ANK3: variants seen among roughly 807,000 people sequenced by gnomAD.
ANK3 encodes the protein ankyrin 3.
In ANK3, 57 loss-of-function variants were observed where a neutral mutation model predicts 370.9. The ratio of observed to expected loss-of-function variants is 0.15; its 90% CI spans 0.12 to 0.19. The LOEUF (loss-of-function observed/expected upper bound fraction) is 0.19. Among genes scored for constraint, ANK3 ranks in the 10% least tolerant of loss-of-function variants. The pLI, the probability that ANK3 is intolerant of heterozygous loss-of-function variation, is 1.00. For synonymous variants in ANK3, 1,929 were observed against 1,946.3 expected (o/e 0.99, Z 0.23); for missense variants, 4,439 against 5,302.1 (o/e 0.84, Z 5.06).
At chr10:60,432,584 A>G (rs2064052972) in intron 2 of ANK3, among the ~76,000 whole-genome samples, 1 of 152,206 alleles carries the variant, frequency 6.6e-6, no homozygotes. Flanking sequence ...CTATCCATGG[A>G]GTATGTCAGC....
chr10:60,665,868 C>G lies in ANK3; in HGVS notation c.58-50644G>C, dbSNP rs78791067. ...ATATTTAAATATTAGAAGAGCCCAC[C>G]TCACACTCATTAGGATCACTACTGG... On this transcript the variant is annotated intron_variant, in intron 1 of 43. Transcript: ENST00000373827. Among the ~76,000 whole-genome samples the G allele has an allele frequency of 3.5e-3, 533 of 152,212 alleles. 5 individuals carry two copies. The highest frequency in any genetic ancestry group is 0.012 in the African/African-American group (504 of 41,536).
chr10:60,321,508 C>T (rs1304655056), intron 1 of ANK3, among the ~76,000 whole-genome samples: 2 of 152,164 alleles, frequency 1.3e-5, no homozygotes, highest in East Asian at 3.8e-4. Context: ...GTGGACATGA[C>T]CCAAACGGAA....
intron 23 of ANK3, among the ~76,000 whole-genome samples, chr10:60,164,945 T>C (rs569449626): frequency 6.6e-6 from 1 of 152,322 alleles, no homozygotes; most frequent in African/African-American, 2.4e-5. Flanking sequence ...AATTTAAAAT[T>C]GCCAATTTCA....
chr10:60,351,069 AC>A (rs2056766710), intron 1 of ANK3, among the ~76,000 whole-genome samples: 1 of 152,174 alleles, frequency 6.6e-6, no homozygotes, highest in South Asian at 2.1e-4. Context: ...TTAAACAATG[AC>A]AAAGGCCAGG....
At chr10:60,248,498 G>A (rs916749621) in intron 7 of ANK3, among the ~76,000 whole-genome samples, 1 of 152,042 alleles carries the variant, frequency 6.6e-6, no homozygotes, top group Non-Finnish European at 1.5e-5. Context: ...CCTAATTCCT[G>A]TAGAAATTAG....
In ANK3 at chr10:60,072,528, T is replaced by G. The variant is rs756050517; in HGVS notation, c.8353A>C (p.Met2785Leu). 1 of 1,613,666 alleles carries G rather than the reference T, an allele frequency of 6.2e-7. No homozygotes were observed. The highest frequency in any genetic ancestry group is 8.5e-7 in the Non-Finnish European group (1 of 1,179,908). ...DESVSVQKDF[M>L]VLKTKDEHAQ... Reference sequence around the variant, plus strand: ...TGCTCATCTTTGGTTTTTAATACCATAAAATCTTTTTGCACAGATACACTT... The same window carrying G: ...TGCTCATCTTTGGTTTTTAATACCAGAAAATCTTTTTGCACAGATACACTT... The change falls in exon 37 of 44, where the codon ATG becomes CTG. Residue 2785 changes from methionine (M) to leucine (L), a missense_variant. Coordinates refer to ENST00000280772, the MANE Select transcript of ANK3 (RefSeq NM_020987.5).
intron 2 of ANK3, among the ~76,000 whole-genome samples, chr10:60,495,544 C>T (rs1365571419): frequency 1.3e-5 from 2 of 152,138 alleles, no homozygotes; most frequent in East Asian, 1.9e-4. Flanking sequence ...AATTCGAGTG[C>T]AATGCTTAAT....
In ANK3 at chr10:60,396,128, A is replaced by T. The variant is rs372734779; in HGVS notation, c.97-116489T>A. Among the ~76,000 whole-genome samples the T allele has an allele frequency of 7.9e-4, 121 of 152,348 alleles. 1 individual carries two copies. Among genetic ancestry groups the T allele is most frequent in the African/African-American group, 2.8e-3 (117 of 41,578 alleles). On this transcript the variant is annotated intron_variant, in intron 2 of 43. Transcript: ENST00000373827. ...TAAGATCCCCTTTTCAGAAGCTTCA[A>T]TTCTTGAATATCGAGCCAGGGAGTA...
chr10:60,478,881 G>A (rs969300471), intron 2 of ANK3, among the ~76,000 whole-genome samples: 10 of 152,046 alleles, frequency 6.6e-5, no homozygotes, highest in Non-Finnish European at 1.5e-4. Context: ...GGGTTATTAT[G>A]AAGTCTGAAC....
At chr10:60,086,981 AACAGACAACC>A in intron 29 of ANK3, 97 bp from the exon 30 acceptor site, 1 of 441,898 alleles carries the variant, frequency 2.3e-6, no homozygotes. Context: ...AAAAAACAAA[AACAGACAACC>A]AAAAAAAAAA....
intron 25 of ANK3, among the ~76,000 whole-genome samples, chr10:60,128,015 T>A (rs1264318409): frequency 6.6e-6 from 1 of 152,102 alleles, no homozygotes; most frequent in Non-Finnish European, 1.5e-5. Context: ...ATACTTTTTA[T>A]AATTGTTACT....
At chr10:60,091,737 T>A (rs1421531345) in intron 28 of ANK3, among the ~76,000 whole-genome samples, 1 of 48,370 alleles carries the variant, frequency 2.1e-5, no homozygotes, top group Non-Finnish European at 6.0e-5. Context: ...CACATTTTTG[T>A]TTTTTTTTTT....
intron 23 of ANK3, among the ~76,000 whole-genome samples, chr10:60,160,163 A>G (rs985040973): frequency 2.9e-5 from 2 of 69,970 alleles, no homozygotes; most frequent in African/African-American, 1.7e-4. Context: ...GCTTTTAACC[A>G]GACTAACTAA....
chr10:60,573,520 C>G (rs1278807407), intron 2 of ANK3, among the ~76,000 whole-genome samples: 1 of 152,162 alleles, frequency 6.6e-6, no homozygotes, highest in East Asian at 1.9e-4. Context: ...CCCAGCTGCC[C>G]TGGCCACACA....
chr10:60,614,363 C>A (rs1019121216), intron 2 of ANK3, among the ~76,000 whole-genome samples: 2 of 152,070 alleles, frequency 1.3e-5, no homozygotes, highest in Non-Finnish European at 2.9e-5. Flanking sequence ...CCAAGTTAAA[C>A]GTTTTGTTTC....
intron 28 of ANK3, among the ~76,000 whole-genome samples, chr10:60,089,042 A>T (rs562794520): frequency 6.6e-6 from 1 of 152,316 alleles, no homozygotes; most frequent in Non-Finnish European, 1.5e-5. Flanking sequence ...AAAGTGAATA[A>T]GAACTTAAGT....
At chr10:60,222,470 C>T (rs1425515988) in intron 8 of ANK3, among the ~76,000 whole-genome samples, 4 of 151,082 alleles carry the variant, frequency 2.6e-5, no homozygotes, top group African/African-American at 9.7e-5. Context: ...TGTTCCACTT[C>T]ACTCCACTTT....
At chr10:60,240,476 G>A (rs1326006376) in intron 7 of ANK3, among the ~76,000 whole-genome samples, 2 of 150,738 alleles carry the variant, frequency 1.3e-5, no homozygotes, top group African/African-American at 2.4e-5. Context: ...AGCTAATTTT[G>A]TATTTTTAGT....
chr10:60,719,515 T>C (rs1312803497), intron 1 of ANK3, among the ~76,000 whole-genome samples: 1 of 152,084 alleles, frequency 6.6e-6, no homozygotes, highest in Non-Finnish European at 1.5e-5. Context: ...TATAAAGATT[T>C]TTTATGTTTG....
Sources: allele counts gnomAD v4.1 joint callset (sites outside exome capture counted in the v4.1 genomes callset), GRCh38; gene constraint gnomAD v4.1.1; transcripts MANE v1.5; gene names NCBI Gene and HGNC (gene_info 2026-07-23, HGNC 2026-07-21).